Variants in CHRD observed in about 807,000 individuals in gnomAD.
CHRD encodes chordin.
In CHRD, 69 loss-of-function variants were observed where a neutral mutation model predicts 113.7. The observed-to-expected ratio is 0.61, with a 90% CI of 0.50 to 0.74. CHRD has a LOEUF of 0.74. Among genes scored for constraint, CHRD ranks in the 30% least tolerant of loss-of-function variants. The pLI, the probability that CHRD is intolerant of heterozygous loss-of-function variation, is 0.00. For synonymous variants in CHRD, 561 were observed against 540.8 expected (o/e 1.04, Z -0.52); for missense variants, 1,194 against 1,295.8 (o/e 0.92, Z 1.21).
At chr3:184,385,213 T>A in exon 14 of CHRD, 1 of 1,613,902 alleles carries the variant, frequency 6.2e-7, no homozygotes, top group Non-Finnish European at 8.5e-7. Flanking sequence ...CCTCGGCGGC[T>A]GCTGAAGGGA....
chr3:184,381,859 C>CG lies in CHRD; in HGVS notation c.611+47dup, dbSNP rs765544237. On this transcript the variant is annotated intron_variant, in intron 5 of 22. Coordinates refer to ENST00000204604, the Ensembl canonical transcript of CHRD. The surrounding 1 kb of genome is among the most constrained non-coding windows in gnomAD (Gnocchi z 4.7). ...CAAGGAGGGGTCAGCTGCCGGGGCC[C>CG]GGGAGGGAAACTGGGAGAGCTGGGA... is the stretch of plus-strand genomic sequence containing the variant. 4.3e-6 allele frequency: 7 copies of CG among 1,610,726 alleles called. No homozygotes were observed. In the East Asian group the frequency reaches 1.3e-4, roughly 31 times the overall value.
In CHRD at chr3:184,388,258, TCC is replaced by T. The variant is rs1298262811; in HGVS notation, c.2554+226_2554+227del. 4.0e-5 allele frequency among the ~76,000 whole-genome samples: 6 copies of T among 151,274 alleles called. No individual in the cohort carries two copies. The highest frequency in any genetic ancestry group is 1.5e-4 in the African/African-American group (6 of 40,906). ...ATCCGTCCATCCATCCATCCATCCA[TCC>T]ATCCATCCATCCATCCATCCATCCG... On this transcript the variant is annotated intron_variant, in intron 20 of 22. Coordinates refer to ENST00000204604, the Ensembl canonical transcript of CHRD. This position sits in a 1 kb window ranked among gnomAD's most constrained non-coding sequence, Gnocchi z 6.1.
chr3:184,383,619 G>A, exon 12 of CHRD: 2 of 1,612,928 alleles, frequency 1.2e-6, no homozygotes, highest in Non-Finnish European at 1.7e-6. Context: ...CCACATGGCT[G>A]GACTCCAGCC....
At position 184,384,257 on chromosome 3, in the gene CHRD, T is replaced by C. The variant is rs975023431; in HGVS notation, c.1441-280T>C. ...CTACTTATAGGGCCTTTCCATGTGCTAGGTGCTGCATTGGTGGCCTTACAT... is the reference window on the plus strand; with the variant it reads ...CTACTTATAGGGCCTTTCCATGTGCCAGGTGCTGCATTGGTGGCCTTACAT... On this transcript the variant is annotated intron_variant, in intron 12 of 22. Coordinates refer to ENST00000204604, the Ensembl canonical transcript of CHRD. This position sits in a 1 kb window ranked among gnomAD's most constrained non-coding sequence, Gnocchi z 4.4. Among the ~76,000 whole-genome samples the C allele has an allele frequency of 3.9e-5, 6 of 152,218 alleles. No individual in the cohort carries two copies. The highest frequency in any genetic ancestry group is 1.4e-4 in the African/African-American group (6 of 41,460).
At position 184,384,353 on chromosome 3, in the gene CHRD, G is replaced by T. The variant is rs2108650347; in HGVS notation, c.1441-184G>T. ...GACTTGGAGAAGTTAAGTTACTCTTGAAGGTTGTTACATAGCTAGGAAGCA... is the reference window on the plus strand; with the variant it reads ...GACTTGGAGAAGTTAAGTTACTCTTTAAGGTTGTTACATAGCTAGGAAGCA... On this transcript the variant is annotated intron_variant, in intron 12 of 22. Coordinates refer to ENST00000204604, the Ensembl canonical transcript of CHRD. This position sits in a 1 kb window ranked among gnomAD's most constrained non-coding sequence, Gnocchi z 4.4. Among the ~76,000 whole-genome samples the T allele has an allele frequency of 6.6e-6, 1 of 152,344 alleles. No homozygotes were observed. Among genetic ancestry groups the T allele is most frequent in the East Asian group, 1.9e-4 (1 of 5,190 alleles).
intron 15 of CHRD, 94 bp from the exon 16 acceptor site, chr3:184,386,396 CAG>C (rs1716283753): frequency 1.3e-6 from 2 of 1,486,086 alleles, no homozygotes; most frequent in East Asian, 4.9e-5. Context: ...CTGCAGCGCT[CAG>C]GGGGCCGAGG....
At position 184,383,177 on chromosome 3, in the gene CHRD, G is replaced by A. The variant is rs1177628304; in HGVS notation, c.1213+14G>A. On this transcript the variant is annotated intron_variant, in intron 10 of 22. Transcript: ENST00000204604. ...AGAGCTGCGACGGTGAGGCGGGGGGGGGGCCTGGTGCGCCGGGCATGCACA... is the reference window on the plus strand; with the variant it reads ...AGAGCTGCGACGGTGAGGCGGGGGGAGGGCCTGGTGCGCCGGGCATGCACA... 2 of 1,594,740 alleles carry A rather than the reference G, an allele frequency of 1.3e-6. No individual in the cohort carries two copies. Among genetic ancestry groups the A allele is most frequent in the Non-Finnish European group, 1.7e-6 (2 of 1,170,398 alleles).
At chr3:184,386,683 G>C in exon 16 of CHRD, 1 of 1,612,500 alleles carries the variant, frequency 6.2e-7, no homozygotes. Context: ...GCTTCTTCGA[G>C]GGGCAGCAGC....
At position 184,381,651 on chromosome 3, in the gene CHRD, G is replaced by T. The variant is rs1405605372; in HGVS notation, c.511+27G>T. ...TAGGGGGCTGGCGAACAGCGGGGTT[G>T]TGGTTGAGGCTGGGCCACCAAAGCG... On this transcript the variant is annotated intron_variant, in intron 4 of 22. Transcript: ENST00000204604. This position sits in a 1 kb window ranked among gnomAD's most constrained non-coding sequence, Gnocchi z 4.7. The T allele has an allele frequency of 6.2e-7, 1 of 1,605,214 alleles. No individual in the cohort carries two copies. Among genetic ancestry groups the T allele is most frequent in the African/African-American group, 1.3e-5 (1 of 74,820 alleles).
rs1158323791 is a variant in CHRD at position 184,380,673 on chromosome 3, G to A, written c.149-19G>A. On this transcript the variant is annotated intron_variant, in intron 1 of 22. Transcript: ENST00000204604. This position sits in a 1 kb window ranked among gnomAD's most constrained non-coding sequence, Gnocchi z 6.3. ...GGCGCGAGCTGGGCAGCGGCCTCCA[G>A]CCAAGCCCGTCCCCGCAGGCTGCAC... The A allele has an allele frequency of 2.6e-6, 4 of 1,564,218 alleles. No homozygotes were observed. The highest frequency in any genetic ancestry group is 3.4e-6 in the Non-Finnish European group (4 of 1,162,946).
chr3:184,389,434 A>T (rs1265189664), exon 23 of CHRD: 1 of 1,612,502 alleles, frequency 6.2e-7, no homozygotes, highest in African/African-American at 1.3e-5. Context: ...GAGCAGCCAG[A>T]GGGCCAAGTG....
At position 184,387,029 on chromosome 3, in the gene CHRD, C is replaced by T. The variant is rs770886007; in HGVS notation, c.2291-22C>T. 1.1e-5 allele frequency: 17 copies of T among 1,613,942 alleles called. No individual in the cohort carries two copies. In the African/African-American group the frequency reaches 2.3e-4, roughly 22 times the overall value. ...AATGAGGGTGGTCACTCTCTGCTTT[C>T]ACCATTTCTTTGGCTCCACAGAGAA... On this transcript the variant is annotated intron_variant, in intron 17 of 22. Coordinates refer to ENST00000204604, the Ensembl canonical transcript of CHRD. The surrounding 1 kb of genome is among the most constrained non-coding windows in gnomAD (Gnocchi z 6.1).
rs1275937521 is a variant in CHRD, at chr3:184,387,037, C to A, written c.2291-14C>A. ...TGGTCACTCTCTGCTTTCACCATTT[C>A]TTTGGCTCCACAGAGAAACAAGATG... On this transcript the variant is annotated splice_polypyrimidine_tract_variant and intron_variant, in intron 17 of 22. Transcript: ENST00000204604. The surrounding 1 kb of genome is among the most constrained non-coding windows in gnomAD (Gnocchi z 6.1). 3 of 1,614,122 alleles carry A rather than the reference C, an allele frequency of 1.9e-6. 1 individual carries two copies. In the South Asian group the frequency reaches 3.3e-5, roughly 18 times the overall value.
At position 184,384,390 on chromosome 3, in the gene CHRD, C is replaced by T. The variant is rs1191025404; in HGVS notation, c.1441-147C>T. 1.6e-5 allele frequency: 14 copies of T among 887,046 alleles called. No homozygotes were observed. The highest frequency in any genetic ancestry group is 6.9e-5 in the African/African-American group (4 of 58,312). The allele number at this position is 887,046 out of a possible 1,614,324, so 54.9% of individuals were successfully genotyped here. On this transcript the variant is annotated intron_variant, in intron 12 of 22. Coordinates refer to ENST00000204604, the Ensembl canonical transcript of CHRD. The surrounding 1 kb of genome is among the most constrained non-coding windows in gnomAD (Gnocchi z 4.4). Reference sequence around the variant, plus strand: ...ATAGCTAGGAAGCAGCAGGGGAGGGCCTTGAAACTGGGCCTGCCAGGTCCT... The same window carrying T: ...ATAGCTAGGAAGCAGCAGGGGAGGGTCTTGAAACTGGGCCTGCCAGGTCCT...
chr3:184,383,539 C>T, exon 12 of CHRD: 1 of 1,614,022 alleles, frequency 6.2e-7, no homozygotes, highest in South Asian at 1.1e-5. Flanking sequence ...GTGGTAGGGA[C>T]AAGCAGTGAG....
exon 10 of CHRD, chr3:184,383,019 C>G: frequency 6.2e-7 from 1 of 1,612,584 alleles, no homozygotes; most frequent in Middle Eastern, 1.7e-4. Context: ...TCCCCAGGAA[C>G]CAGGCTTTGC....
chr3:184,380,373 C>A lies in CHRD; in HGVS notation c.55C>A (p.Leu19Ile). Residue 19 changes from leucine (L) to isoleucine (I), a missense_variant, in exon 1 of 23, where the codon CTC becomes ATC. Transcript: ENST00000204604. This position sits in a 1 kb window ranked among gnomAD's most constrained non-coding sequence, Gnocchi z 6.3. Reference sequence around the variant, plus strand: ...GCTGCTGCTCCTCGGGCTGCTGCTGCTCGGCTCCCGGCCGGCCCGCGGCGC... The same window carrying A: ...GCTGCTGCTCCTCGGGCTGCTGCTGATCGGCTCCCGGCCGGCCCGCGGCGC... 1 of 1,351,256 alleles carries A rather than the reference C, an allele frequency of 7.4e-7. No homozygotes were observed. Among genetic ancestry groups the A allele is most frequent in the Non-Finnish European group, 9.6e-7 (1 of 1,040,874 alleles). 83.7% of individuals were successfully genotyped at this position (1,351,256 alleles called of 1,614,324 possible).
exon 14 of CHRD, chr3:184,385,128 C>T (rs369453028): frequency 2.5e-6 from 4 of 1,614,102 alleles, no homozygotes. Flanking sequence ...CTATGAAGTG[C>T]TGCTGGCTGG....
At position 184,386,764 on chromosome 3, in the gene CHRD, T is replaced by C. The variant is rs745450339; in HGVS notation, c.2196+9T>C. 1.1e-5 allele frequency: 17 copies of C among 1,612,850 alleles called. No individual in the cohort carries two copies. Among genetic ancestry groups the C allele is most frequent in the Non-Finnish European group, 1.3e-5 (15 of 1,179,806 alleles). On this transcript the variant is annotated intron_variant, in intron 16 of 22. Transcript: ENST00000204604. ...CACTCTGCACCTGCCAGGTAGGAGG[T>C]CCTGGAAGGGCACACTGGGTCCTGG...
Sources: gnomAD v4.1 joint callset for allele counts (sites outside exome capture counted in the v4.1 genomes callset) on GRCh38, gnomAD v4.1.1 for gene constraint, Gnocchi (gnomAD v3.1) non-coding constraint, MANE v1.5 for transcripts, NCBI Gene and HGNC (gene_info 2026-07-23, HGNC 2026-07-21) for gene names.